Variants in TSNARE1 observed in about 807,000 individuals in gnomAD.
TSNARE1 encodes t-SNARE domain containing 1.
TSNARE1 carries 49 observed loss-of-function variants against 62.0 expected under a neutral mutation model. The observed-to-expected ratio is 0.79, with a 90% confidence interval of 0.63 to 1.00. TSNARE1 has a LOEUF of 1.00. Among genes scored for constraint, TSNARE1 ranks in the 50% least tolerant of loss-of-function variants. TSNARE1 has a pLI of 0.00. For synonymous variants in TSNARE1, 328 were observed against 294.4 expected, an observed-to-expected ratio of 1.11 and a Z score of -1.17; for missense variants, 755 against 700.1, an observed-to-expected ratio of 1.08 and a Z score of -0.88.
Position 142,284,456 on chromosome 8 carries a change from G to A in TSNARE1, c.1320C>T (p.Ile440=). ...CTGACACCATGGAGGCCAAGTCCTT[G>A]ATGATCTGATTCACATCCAGCAAGT... The part of the protein sequence containing the change: ...ESNLLDVNQI[I]KDLASMVSEQ... Residue 440 remains isoleucine (I), a synonymous_variant, in exon 11 of 14, where the codon ATC becomes ATT. Transcript: ENST00000524325. 6.2e-7 allele frequency: 1 copy of A among 1,613,796 alleles called. No individual in the cohort carries two copies. The highest frequency in any genetic ancestry group is 8.5e-7 in the Non-Finnish European group (1 of 1,179,978).
In TSNARE1 at chr8:142,222,323, T is replaced by TCCAC. The variant is rs1816350092; in HGVS notation, c.*11+7149_*11+7150insGTGG. The stretch of plus-strand genomic sequence containing the variant: ...ATTCACTCACTCACTCATCCACTAA[T>TCCAC]TCACTCACTCGCTCACTCATCCACT... On this transcript the variant is annotated intron_variant, in intron 13 of 13. Transcript: ENST00000524325. 1.7e-4 allele frequency among the ~76,000 whole-genome samples: 3 copies of TCCAC among 17,474 alleles called. 1 individual carries two copies. In the South Asian group the frequency reaches 6.7e-3, roughly 39 times the overall value. The allele number at this position is 17,474 out of a possible 152,430, so 11.5% of individuals were successfully genotyped here. A position where few individuals can be genotyped will look rare whatever the true frequency, so the allele number is the denominator to read the frequency against.
chr8:142,245,746 G>A (rs1817856657), intron 12 of TSNARE1, among the ~76,000 whole-genome samples: 1 of 152,208 alleles, frequency 6.6e-6, no homozygotes. Flanking sequence ...TTAGGTTGGG[G>A]TGAGGGCAGA....
At chr8:142,379,896 T>C (rs995968868) in intron 1 of TSNARE1, among the ~76,000 whole-genome samples, 26 of 152,150 alleles carry the variant, frequency 1.7e-4, no homozygotes, top group Admixed American at 1.1e-3. Context: ...CAGGGTTCTG[T>C]GGTCCCTGAG....
chr8:142,275,909 G>A lies in TSNARE1; in HGVS notation c.1364-1046C>T, dbSNP rs955731770. The A allele has an allele frequency of 9.0e-5, 89 of 985,322 alleles. 1 individual carries two copies. The South Asian group carries it at 1.4e-3, about 16-fold the overall frequency. 61.0% of individuals were successfully genotyped at this position (985,322 alleles called of 1,614,324 possible). The stretch of plus-strand genomic sequence containing the variant: ...CAGAAAGACAAGGCCACTCCCCACC[G>A]TCCCAGCAAGGACTCCCTACTCTCA... On this transcript the variant is annotated intron_variant, in intron 11 of 13. Transcript: ENST00000524325.
chr8:142,318,756 T>A, intron 6 of TSNARE1, 122 bp from the exon 7 acceptor site: 1 of 833,298 alleles, frequency 1.2e-6, no homozygotes, highest in Non-Finnish European at 2.0e-6. Flanking sequence ...GACAGATGGA[T>A]GGACAGGCGG....
At chr8:142,324,511 C>T (rs1055221014) in intron 6 of TSNARE1, among the ~76,000 whole-genome samples, 2 of 152,164 alleles carry the variant, frequency 1.3e-5, no homozygotes, top group African/African-American at 2.4e-5. Flanking sequence ...CCTAGTCTGC[C>T]GGGGCCAGAA....
Position 142,371,335 on chromosome 8 carries a change from C to T in TSNARE1, c.-39-16572G>A, listed in dbSNP as rs573922376. Among the ~76,000 whole-genome samples, 75 of 152,234 alleles carry T rather than the reference C, an allele frequency of 4.9e-4. No homozygotes were observed. In the South Asian group the frequency reaches 0.015, roughly 31 times the overall value. On this transcript the variant is annotated intron_variant, in intron 1 of 13. Coordinates refer to ENST00000524325, the MANE Select transcript of TSNARE1 (RefSeq NM_145003.5). The stretch of plus-strand genomic sequence containing the variant: ...AAAAAAACCCTGCAGGAAGCAAAGT[C>T]GGGTGAATGGCTGCCAGGGGCTAGG...
chr8:142,366,609 G>A (rs1340508629), intron 1 of TSNARE1, among the ~76,000 whole-genome samples: 5 of 152,120 alleles, frequency 3.3e-5, no homozygotes, highest in African/African-American at 9.7e-5. Context: ...CATTCCTGAT[G>A]AAAACACAAG....
At chr8:142,289,957 A>G (rs1412776662) in intron 10 of TSNARE1, among the ~76,000 whole-genome samples, 1 of 152,172 alleles carries the variant, frequency 6.6e-6, no homozygotes, top group Admixed American at 6.5e-5. Context: ...CACAAGAGAC[A>G]GAAGAGGGCC....
At chr8:142,216,831 C>T (rs1162077952) in intron 13 of TSNARE1, among the ~76,000 whole-genome samples, 2 of 152,206 alleles carry the variant, frequency 1.3e-5, no homozygotes, top group African/African-American at 2.4e-5. Flanking sequence ...AAATCTGCCT[C>T]GGACATCCCT....
chr8:142,275,708 G>C (rs1308398265), intron 11 of TSNARE1: 1 of 985,356 alleles, frequency 1.0e-6, no homozygotes, highest in East Asian at 1.1e-4. Context: ...CTGGAGAAGA[G>C]CTTGGGAGGC....
intron 1 of TSNARE1, among the ~76,000 whole-genome samples, chr8:142,359,164 A>G (rs2130840904): frequency 6.6e-6 from 1 of 151,474 alleles, no homozygotes; most frequent in South Asian, 2.1e-4. Flanking sequence ...CCCACTTCTC[A>G]ACCCAGCTGT....
At position 142,291,093 on chromosome 8, in the gene TSNARE1, C is replaced by T. The variant is rs1429553515; in HGVS notation, c.1291-6608G>A. On this transcript the variant is annotated intron_variant, in intron 10 of 13. Transcript: ENST00000524325. This position sits in a 1 kb window ranked among gnomAD's most constrained non-coding sequence, Gnocchi z 4.8. ...CAGGGAGATGAATTGCTGCTCGCCA[C>T]CCGCTGCTCAGGACTGGTGTCCTCA... Among the ~76,000 whole-genome samples the T allele has an allele frequency of 1.3e-5, 2 of 152,098 alleles. No individual in the cohort carries two copies. Among genetic ancestry groups the T allele is most frequent in the Non-Finnish European group, 2.9e-5 (2 of 68,026 alleles).
chr8:142,322,507 A>G (rs539440042), intron 6 of TSNARE1, among the ~76,000 whole-genome samples: 3 of 152,374 alleles, frequency 2.0e-5, no homozygotes, highest in African/African-American at 7.2e-5. Context: ...ACATCTATAT[A>G]GAAAATCCCA....
chr8:142,224,348 C>T (rs1157020720), intron 13 of TSNARE1, among the ~76,000 whole-genome samples: 1 of 152,232 alleles, frequency 6.6e-6, no homozygotes, highest in Non-Finnish European at 1.5e-5. Flanking sequence ...TGGCCACACA[C>T]TGACCTCTGA....
rs1819480412 is a variant in TSNARE1 at position 142,271,028 on chromosome 8, G to A, written c.1446+3753C>T. On this transcript the variant is annotated intron_variant, in intron 12 of 13. Transcript: ENST00000524325. ...ACCTCTCCCCTGCCTGGACTCAGCA[G>A]GGGAAAGACTGGAGGCCCTGCTCCT... The A allele has an allele frequency of 3.0e-6, 3 of 985,684 alleles. No homozygotes were observed. In the South Asian group the frequency reaches 1.4e-4, roughly 46 times the overall value. The allele number at this position is 985,684 out of a possible 1,614,324, so 61.1% of individuals were successfully genotyped here.
intron 6 of TSNARE1, among the ~76,000 whole-genome samples, chr8:142,328,984 A>G (rs1830643536): frequency 6.6e-6 from 1 of 152,226 alleles, no homozygotes; most frequent in Admixed American, 6.5e-5. Flanking sequence ...CCTACACTGC[A>G]GGGCTGGAAA....
intron 1 of TSNARE1, among the ~76,000 whole-genome samples, chr8:142,394,821 C>T (rs1424591680): frequency 6.6e-6 from 1 of 152,206 alleles, no homozygotes; most frequent in Non-Finnish European, 1.5e-5. Flanking sequence ...TGCCTGTCCA[C>T]GTCCCTGTGT....
At chr8:142,273,735 C>T (rs1191079716) in intron 12 of TSNARE1, 1 of 985,324 alleles carries the variant, frequency 1.0e-6, no homozygotes, top group Non-Finnish European at 1.2e-6. Context: ...ACTGGGGAAG[C>T]TCAAGGCAGC....
Sources: allele counts gnomAD v4.1 joint callset (sites outside exome capture counted in the v4.1 genomes callset), GRCh38; gene constraint gnomAD v4.1.1; non-coding constraint Gnocchi (gnomAD v3.1); transcripts MANE v1.5; gene names NCBI Gene and HGNC (gene_info 2026-07-23, HGNC 2026-07-21).